TRAK1: variants seen among roughly 807,000 people sequenced by gnomAD.
TRAK1 encodes the protein trafficking kinesin-binding protein 1.
A neutral mutation model predicts 92.1 loss-of-function variants in TRAK1; 33 were observed. The observed-to-expected ratio is 0.36, with a 90% CI of 0.27 to 0.48. TRAK1 has a LOEUF of 0.48. Ranked by LOEUF, TRAK1 falls within the 20% of genes least tolerant of loss-of-function variation. The probability of loss-of-function intolerance (pLI) is 0.99; values close to 1 mark genes in which losing one functional copy is unlikely to be tolerated. For missense variants in TRAK1, 1,123 were observed against 1,257.9 expected (o/e 0.89, Z 1.62); for synonymous variants, 521 against 517.3 (o/e 1.01, Z -0.10).
intron 1 of TRAK1, among the ~76,000 whole-genome samples, chr3:42,076,375 G>A (rs1298622120): frequency 5.3e-5 from 8 of 150,852 alleles, no homozygotes; most frequent in African/African-American, 2.0e-4. Flanking sequence ...ACAGGTGCTC[G>A]CCACCACGCC....
chr3:42,063,266 G>A (rs138308490), intron 1 of TRAK1, among the ~76,000 whole-genome samples: 3 of 152,220 alleles, frequency 2.0e-5, no homozygotes, highest in Admixed American at 6.5e-5. Context: ...TTTCCGCTTC[G>A]CGGGAAAAGT....
At chr3:42,016,217 CTTTTT>C (rs1455167834) in intron 1 of TRAK1, among the ~76,000 whole-genome samples, 1 of 141,604 alleles carries the variant, frequency 7.1e-6, no homozygotes, top group Non-Finnish European at 1.6e-5. Flanking sequence ...TTTTTTTTTT[CTTTTT>C]GAGTCAGAGT....
chr3:42,146,080 CTG>C (rs1256969662), intron 2 of TRAK1: 3 of 458,914 alleles, frequency 6.5e-6, no homozygotes, highest in Non-Finnish European at 1.3e-5. Context: ...AGATTCTGCT[CTG>C]TAAAAAATTC....
In TRAK1 at chr3:42,023,447, G is replaced by C. The variant is rs144264932; in HGVS notation, c.-519+9330G>C. On this transcript the variant is annotated intron_variant, in intron 1 of 16. Coordinates refer to the TRAK1 transcript ENST00000487159. Reference sequence around the variant, plus strand: ...GGTGGCTGGCTTTACTTTGGTAAACGTGTCCTAGGCCGTATGTGATCCTAG... The same window carrying C: ...GGTGGCTGGCTTTACTTTGGTAAACCTGTCCTAGGCCGTATGTGATCCTAG... Among the ~76,000 whole-genome samples, 6 of 152,258 alleles carry C rather than the reference G, an allele frequency of 3.9e-5. No homozygotes were observed. The East Asian group carries it at 5.8e-4, about 15-fold the overall frequency.
chr3:42,201,029 C>T lies in TRAK1; in HGVS notation c.1402C>T (p.Leu468=). ...VLDNKTNSII[L]ETEAADLGND... ...CGACAACAAGACCAACAGCATCATT[C>T]TGGAAACAGAGGCAGCCGACCTGGG... Residue 468 remains leucine (L), a synonymous_variant, in exon 12 of 16, where the codon CTG becomes TTG. Transcript: ENST00000327628. 1.9e-6 allele frequency: 3 copies of T among 1,614,176 alleles called. No individual in the cohort carries two copies. Among genetic ancestry groups the T allele is most frequent in the Non-Finnish European group, 2.5e-6 (3 of 1,180,044 alleles).
At chr3:42,093,075 C>G (rs1334207394) in intron 1 of TRAK1, among the ~76,000 whole-genome samples, 1 of 151,882 alleles carries the variant, frequency 6.6e-6, no homozygotes, top group Non-Finnish European at 1.5e-5. Flanking sequence ...CTAAATGGGT[C>G]TTTTATTTGG....
chr3:42,098,550 T>G lies in TRAK1; in HGVS notation c.91+6990T>G, dbSNP rs944142539. On this transcript the variant is annotated intron_variant, in intron 1 of 15. Transcript: ENST00000327628. Reference sequence around the variant, plus strand: ...GACCGTGAGTTCTGTGGAGGGAACCTGACCTGCGGGAGAGAGGGAGGGAGA... The same window carrying G: ...GACCGTGAGTTCTGTGGAGGGAACCGGACCTGCGGGAGAGAGGGAGGGAGA... Among the ~76,000 whole-genome samples the G allele has an allele frequency of 5.3e-5, 8 of 152,294 alleles. No individual in the cohort carries two copies. The East Asian group carries it at 1.5e-3, about 29-fold the overall frequency.
chr3:42,103,555 A>G (rs1707099276), intron 1 of TRAK1, among the ~76,000 whole-genome samples: 1 of 152,002 alleles, frequency 6.6e-6, no homozygotes, highest in Non-Finnish European at 1.5e-5. Flanking sequence ...CTTGGAGAGC[A>G]GTGGTGGGGG....
At chr3:42,222,369 G>A (rs1207994229) in intron 15 of TRAK1, among the ~76,000 whole-genome samples, 1 of 152,160 alleles carries the variant, frequency 6.6e-6, no homozygotes, top group Non-Finnish European at 1.5e-5. Context: ...CCAGGATTCA[G>A]GAGCTCACGG....
chr3:42,185,973 CTTT>C (rs1054954407), intron 4 of TRAK1, among the ~76,000 whole-genome samples: 2,738 of 83,506 alleles, frequency 0.033, 24 homozygotes, highest in Non-Finnish European at 0.042. Context: ...TGTGCCCAGC[CTTT>C]TTTTTTTTTT....
chr3:42,205,143 T>C (rs1316160519), intron 13 of TRAK1, among the ~76,000 whole-genome samples: 1 of 152,208 alleles, frequency 6.6e-6, no homozygotes, highest in Non-Finnish European at 1.5e-5. Context: ...TATTTTATAT[T>C]GTACCTGGCA....
rs1707438589 is a variant in TRAK1, at chr3:42,200,945, A to T, written c.1318A>T (p.Ser440Cys). The T allele has an allele frequency of 1.9e-6, 3 of 1,614,166 alleles. No individual in the cohort carries two copies. The East Asian group carries it at 6.7e-5, about 36-fold the overall frequency. Residue 440 changes from serine (S) to cysteine (C), a missense_variant, in exon 12 of 16, where the codon AGC becomes TGC. Physicochemically the swap from Ser to Cys is moderately radical, Grantham distance 112. Coordinates refer to ENST00000327628, the MANE Select transcript of TRAK1 (RefSeq NM_001042646.3). Reference protein sequence around the residue: ...QSSAMNSLLSSCVSTPRSSFY... With the variant: ...QSSAMNSLLSCCVSTPRSSFY... ...CTCGGCCATGAACTCCCTCCTGTCC[A>T]GCTGCGTCAGCACCCCCCGGTCCAG...
Position 42,223,733 on chromosome 3 carries a change from G to A in TRAK1, c.2858G>A (p.Arg953Gln), listed in dbSNP as rs775685190. ...GAKLSKQTSL[R>Q] ...AAGCTCTCCAAACAAACTAGCTTAC[G>A]GTGAGGACTGGAGGGGGGCCGGTTG... is the stretch of plus-strand genomic sequence containing the variant. The change falls in exon 16 of 16, where the codon CGG becomes CAG. Residue 953 changes from arginine (R) to glutamine (Q), a missense_variant. Physicochemically the swap from Arg to Gln is conservative, Grantham distance 43. Coordinates refer to ENST00000327628, the MANE Select transcript of TRAK1 (RefSeq NM_001042646.3). The surrounding 1 kb of genome is among the most constrained non-coding windows in gnomAD (Gnocchi z 6.1). 17 of 1,601,382 alleles carry A rather than the reference G, an allele frequency of 1.1e-5. No individual in the cohort carries two copies. The highest frequency in any genetic ancestry group is 6.7e-5 in the East Asian group (3 of 44,522).
At position 42,142,016 on chromosome 3, in the gene TRAK1, C is replaced by T. The variant is rs1211191664; in HGVS notation, c.286+16402C>T. On this transcript the variant is annotated intron_variant, in intron 2 of 15. Coordinates refer to ENST00000327628, the MANE Select transcript of TRAK1 (RefSeq NM_001042646.3). ...GCCGGGCATGGTGGCGCATGCCTCC[C>T]GGCTACTCAGGAGGCTGAGGCAGGG... Among the ~76,000 whole-genome samples, 14 of 152,092 alleles carry T rather than the reference C, an allele frequency of 9.2e-5. No individual in the cohort carries two copies. In the East Asian group the frequency reaches 2.5e-3, roughly 27 times the overall value.
chr3:42,204,232 A>G (rs750365982), intron 13 of TRAK1: 6 of 985,776 alleles, frequency 6.1e-6, no homozygotes, highest in Middle Eastern at 1.0e-3. Flanking sequence ...TCACTCAAAG[A>G]TCATTGGAAT....
At chr3:42,218,748 A>G (rs1345905711) in intron 14 of TRAK1, 2 of 985,226 alleles carry the variant, frequency 2.0e-6, no homozygotes, top group Middle Eastern at 5.2e-4. Flanking sequence ...TTGCCATCCC[A>G]TTTTCATTAG....
intron 2 of TRAK1, among the ~76,000 whole-genome samples, chr3:42,163,811 T>C (rs1701556821): frequency 6.6e-6 from 1 of 152,222 alleles, no homozygotes; most frequent in Admixed American, 6.5e-5. Context: ...GTCTGTTCTC[T>C]CCTTCTCTTG....
At chr3:42,212,243 G>C (rs1255719810) in intron 14 of TRAK1, 4 of 985,380 alleles carry the variant, frequency 4.1e-6, no homozygotes, top group Non-Finnish European at 4.8e-6. Context: ...ATCCATGGTG[G>C]TCTGGTCCCT....
chr3:42,119,027 G>T (rs1246386434), intron 1 of TRAK1, among the ~76,000 whole-genome samples: 1 of 152,166 alleles, frequency 6.6e-6, no homozygotes, highest in Non-Finnish European at 1.5e-5. Context: ...GACTAGTCCT[G>T]CCACCGGCTG....
Sources: allele counts gnomAD v4.1 joint callset (sites outside exome capture counted in the v4.1 genomes callset), GRCh38; gene constraint gnomAD v4.1.1; non-coding constraint Gnocchi (gnomAD v3.1); transcripts MANE v1.5; gene names NCBI Gene and HGNC (gene_info 2026-07-23, HGNC 2026-07-21).